MROH2B: variants seen among roughly 807,000 people sequenced by gnomAD.
MROH2B encodes maestro heat like repeat family member 2B.
Under a neutral mutation model 208.6 loss-of-function variants are expected in MROH2B, and 177 were observed. The ratio of observed to expected loss-of-function variants is 0.85; its 90% CI spans 0.75 to 0.96. MROH2B has a LOEUF of 0.96. Among genes scored for constraint, MROH2B ranks in the 40% least tolerant of loss-of-function variants. MROH2B has a pLI of 0.00. For missense variants in MROH2B, 2,002 were observed against 1,878.7 expected, an observed-to-expected ratio of 1.07 and a Z score of -1.21; for synonymous variants, 728 against 659.0, an observed-to-expected ratio of 1.10 and a Z score of -1.60.
At chr5:41,035,441 A>C (rs1742724536) in intron 21 of MROH2B, among the ~76,000 whole-genome samples, 1 of 152,142 alleles carries the variant, frequency 6.6e-6, no homozygotes, top group South Asian at 2.1e-4. Context: ...AATTAACCCA[A>C]GGTAGATTAA....
intron 33 of MROH2B, among the ~76,000 whole-genome samples, chr5:41,008,258 G>T (rs1388857681): frequency 1.3e-5 from 2 of 152,016 alleles, no homozygotes; most frequent in African/African-American, 2.4e-5. Flanking sequence ...ATGAAATATG[G>T]TATTTATTTT....
rs908421080 is a variant in MROH2B, at chr5:41,009,405, C to G, written c.3295G>C (p.Asp1099His). 7 of 1,613,140 alleles carry G rather than the reference C, an allele frequency of 4.3e-6. No individual in the cohort carries two copies. In the African/African-American group the frequency reaches 8.0e-5, roughly 18 times the overall value. Residue 1099 changes from aspartate to histidine, a missense_variant and splice_region_variant, in exon 32 of 42, where the codon GAC becomes CAC. Transcript: ENST00000399564. Reference protein sequence around the residue: ...LLQKPLPFDRDTKTLWKALAE... With the variant: ...LLQKPLPFDRHTKTLWKALAE... Reference sequence around the variant, plus strand: ...AGCGCCTTCCACAATGTCTTTGTGTCCCTAGGGTGGCAAAGCAGGAAATTG... The same window carrying G: ...AGCGCCTTCCACAATGTCTTTGTGTGCCTAGGGTGGCAAAGCAGGAAATTG...
intron 18 of MROH2B, among the ~76,000 whole-genome samples, chr5:41,042,966 T>G (rs1490995858): frequency 6.6e-6 from 1 of 152,196 alleles, no homozygotes; most frequent in Non-Finnish European, 1.5e-5. Context: ...AGCTATATAG[T>G]AACAGATTGG....
chr5:41,019,069 A>G (rs1742057066), intron 24 of MROH2B, 51 bp from the exon 25 acceptor site: 2 of 1,605,802 alleles, frequency 1.2e-6, no homozygotes, highest in Non-Finnish European at 1.7e-6. Flanking sequence ...CCATCAGAAC[A>G]TACCCAGTGG....
intron 24 of MROH2B, 95 bp from the exon 25 acceptor site, chr5:41,019,113 G>T: frequency 6.7e-7 from 1 of 1,483,342 alleles, no homozygotes; most frequent in Non-Finnish European, 9.2e-7. Flanking sequence ...ATCTGACCAG[G>T]CAACTAACGT....
chr5:41,056,974 T>A, intron 9 of MROH2B, 135 bp downstream of exon 9: 1 of 912,338 alleles, frequency 1.1e-6, no homozygotes, highest in Non-Finnish European at 1.7e-6. Context: ...CACAGAAAAC[T>A]GTGAGCTAAA....
chr5:41,046,254 G>A (rs140150225), intron 17 of MROH2B, among the ~76,000 whole-genome samples: 1 of 150,518 alleles, frequency 6.6e-6, no homozygotes, highest in South Asian at 2.1e-4. Context: ...CCCCAAACAC[G>A]ATGGAGATTT....
chr5:41,029,930 A>G lies in MROH2B; in HGVS notation c.2441+2812T>C, dbSNP rs142448083. On this transcript the variant is annotated intron_variant, in intron 24 of 41. Transcript: ENST00000399564. The stretch of plus-strand genomic sequence containing the variant: ...CATCATGCAATATACAAACCTGCAC[A>G]TGTACTCCCAAATCTAAAATAAAAG... Among the ~76,000 whole-genome samples, 240 of 152,158 alleles carry G rather than the reference A, an allele frequency of 1.6e-3. 1 individual carries two copies. Among genetic ancestry groups the G allele is most frequent in the Non-Finnish European group, 2.7e-3 (184 of 67,924 alleles).
chr5:41,031,645 G>T (rs530419494), intron 24 of MROH2B, among the ~76,000 whole-genome samples: 2 of 152,014 alleles, frequency 1.3e-5, no homozygotes, highest in East Asian at 3.9e-4. Context: ...TGTTTTATGG[G>T]TAAATTGCAT....
At chr5:41,017,747 G>C in intron 28 of MROH2B, 103 bp downstream of exon 28, 2 of 1,294,152 alleles carry the variant, frequency 1.5e-6, no homozygotes, top group East Asian at 2.7e-5. Context: ...GGAGAGAGGA[G>C]AGGGGAGGAG....
At chr5:41,007,937 T>TA (rs1224214043) in intron 33 of MROH2B, among the ~76,000 whole-genome samples, 3 of 152,326 alleles carry the variant, frequency 2.0e-5, no homozygotes, top group South Asian at 4.1e-4. Flanking sequence ...CTTTTAATGG[T>TA]AAAAACAGCA....
chr5:41,000,694 T>C lies in MROH2B; in HGVS notation c.4334A>G (p.Asn1445Ser). The change falls in exon 38 of 42, where the codon AAC (asparagine) becomes AGC (serine). Residue 1445 changes from asparagine (N) to serine (S), a missense_variant. Physicochemically the swap from Asn to Ser is conservative, Grantham distance 46. Coordinates refer to ENST00000399564, the MANE Select transcript of MROH2B (RefSeq NM_173489.5). The part of the protein sequence containing the change: ...ISFLLHLWDP[N>S]PKIGVACRDV... The stretch of plus-strand genomic sequence containing the variant: ...AGCACTTACAACTCCAATCTTGGGG[T>C]TGGGATCCCAAAGGTGCAGAAGGAA... 1.2e-6 allele frequency: 2 copies of C among 1,611,246 alleles called. No individual in the cohort carries two copies. The highest frequency in any genetic ancestry group is 8.5e-7 in the Non-Finnish European group (1 of 1,178,856).
Position 41,045,825 on chromosome 5 carries a change from C to T in MROH2B, c.1757G>A (p.Ser586Asn), listed in dbSNP as rs184956949. The change falls in exon 18 of 42, where the codon AGT becomes AAT. Residue 586 changes from serine (S) to asparagine (N), a missense_variant. Physicochemically the swap from Ser to Asn is conservative, Grantham distance 46. Transcript: ENST00000399564. The stretch of plus-strand genomic sequence containing the variant: ...CAGCTGAATGGTCCAGGCCACATCA[C>T]TGATCTTCCATAAGGATTCTTTGAG... ...QLLKESLWKI[S>N]DVAWTIQLTQ... The T allele has an allele frequency of 3.1e-4, 492 of 1,613,032 alleles. 2 individuals are homozygous for T. The African/African-American group carries it at 5.8e-3, about 19-fold the overall frequency.
intron 6 of MROH2B, among the ~76,000 whole-genome samples, chr5:41,058,526 C>T (rs1031758044): frequency 6.6e-6 from 1 of 152,044 alleles, no homozygotes; most frequent in African/African-American, 2.4e-5. Context: ...GGCACGATCT[C>T]AGCTCACTGC....
chr5:41,032,699 G>A (rs751426423), intron 24 of MROH2B, 43 bp downstream of exon 24: 5 of 1,517,494 alleles, frequency 3.3e-6, no homozygotes, highest in Non-Finnish European at 4.5e-6. Context: ...GGAGGATAAG[G>A]GGGAAAATAC....
chr5:41,028,212 G>A (rs1348747733), intron 24 of MROH2B, among the ~76,000 whole-genome samples: 2 of 152,028 alleles, frequency 1.3e-5, no homozygotes, highest in Admixed American at 6.6e-5. Context: ...CGTAGTAAAA[G>A]GTTACCATAA....
At chr5:41,030,927 C>T (rs1238844872) in intron 24 of MROH2B, among the ~76,000 whole-genome samples, 1 of 151,906 alleles carries the variant, frequency 6.6e-6, no homozygotes, top group Non-Finnish European at 1.5e-5. Flanking sequence ...TTAACAAAAA[C>T]TAAAAACTAA....
chr5:41,017,977 G>T lies in MROH2B; in HGVS notation c.2764-7C>A, dbSNP rs1252280821. ...TTTTAAAGTTCTCTGGTGCCTGCAG[G>T]ATAAAGGAGGCATCCTATTGTGATG... On this transcript the variant is annotated splice_region_variant and splice_polypyrimidine_tract_variant and intron_variant, in intron 27 of 41. Transcript: ENST00000399564. 1.9e-6 allele frequency: 3 copies of T among 1,570,242 alleles called. No individual in the cohort carries two copies. Among genetic ancestry groups the T allele is most frequent in the South Asian group, 1.2e-5 (1 of 85,336 alleles).
At chr5:41,064,266 G>A (rs1743729309) in intron 5 of MROH2B, among the ~76,000 whole-genome samples, 1 of 152,134 alleles carries the variant, frequency 6.6e-6, no homozygotes, top group South Asian at 2.1e-4. Flanking sequence ...TGGGCAAATA[G>A]TACTTATCTT....
Sources: allele counts gnomAD v4.1 joint callset (sites outside exome capture counted in the v4.1 genomes callset), GRCh38; gene constraint gnomAD v4.1.1; transcripts MANE v1.5; gene names NCBI Gene and HGNC (gene_info 2026-07-23, HGNC 2026-07-21).